The following TCF25 variants were observed in gnomAD, a reference collection of about 807,000 sequenced individuals.
TCF25 encodes the protein TCF25 ribosome quality control complex subunit.
A neutral mutation model predicts 83.1 loss-of-function variants in TCF25; 41 were observed. The ratio of observed to expected loss-of-function variants is 0.49; its 90% CI spans 0.38 to 0.64. The LOEUF (loss-of-function observed/expected upper bound fraction) is 0.64. Among genes scored for constraint, TCF25 ranks in the 30% least tolerant of loss-of-function variants. The probability of loss-of-function intolerance (pLI) is 0.00; values close to 1 mark genes in which losing one functional copy is unlikely to be tolerated. For missense variants in TCF25, 979 were observed against 914.5 expected, an observed-to-expected ratio of 1.07 and a Z score of -0.91; for synonymous variants, 458 against 365.0, an observed-to-expected ratio of 1.25 and a Z score of -2.90.
chr16:89,910,086 G>C (rs539410955), intron 16 of TCF25: 1 of 155,982 alleles, frequency 6.4e-6, no homozygotes, highest in Non-Finnish European at 1.4e-5. Context: ...GCGGTTCTTT[G>C]CTGCCTCCCT....
chr16:89,886,004 GCGGCTGCCC>G, intron 4 of TCF25, 38 bp downstream of exon 4: 1 of 1,566,792 alleles, frequency 6.4e-7, no homozygotes, highest in South Asian at 1.1e-5. Context: ...GCCCTTCTCT[GCGGCTGCCC>G]TTCTCTGCGG....
rs1211091748 is a variant in TCF25 at position 89,910,296 on chromosome 16, G to C, written c.1800-295G>C. 3.0e-5 allele frequency: 15 copies of C among 503,646 alleles called. No homozygotes were observed. The Admixed American group carries it at 5.2e-4, about 18-fold the overall frequency. 31.2% of individuals were successfully genotyped at this position (503,646 alleles called of 1,614,324 possible). A position where few individuals can be genotyped will look rare whatever the true frequency, so the allele number is the denominator to read the frequency against. ...AGCTTTTCTGAAAAGCAAGGCACCT[G>C]TGCAGTGGCCGAGGATGGCTGTGGG... On this transcript the variant is annotated intron_variant, in intron 16 of 17. Transcript: ENST00000263346.
chr16:89,890,351 A>T (rs576444960), intron 5 of TCF25: 3 of 152,348 alleles, frequency 2.0e-5, no homozygotes, highest in African/African-American at 7.2e-5. Context: ...TATATCCTGC[A>T]TGCTGCCAGT....
Position 89,892,300 on chromosome 16 carries a change from G to A in TCF25, c.697+25G>A, listed in dbSNP as rs370052073. The A allele has an allele frequency of 6.8e-4, 1,091 of 1,601,008 alleles. 2 individuals carry two copies. The highest frequency in any genetic ancestry group is 8.4e-4 in the Non-Finnish European group (981 of 1,174,528). Reference sequence around the variant, plus strand: ...GGTGAGGGTCTGCAGATGCTGCTGGGGATGGAGGGTTGGGGGGCGTTGTCT... The same window carrying A: ...GGTGAGGGTCTGCAGATGCTGCTGGAGATGGAGGGTTGGGGGGCGTTGTCT... On this transcript the variant is annotated intron_variant, in intron 6 of 17. Transcript: ENST00000263346.
In TCF25 at chr16:89,894,379, G is replaced by GCCCCGGACGGCCCCCGCGCAT. The variant is rs1567717102; in HGVS notation, c.828+525_828+526insGGACGGCCCCCGCGCATCCCC. The stretch of plus-strand genomic sequence containing the variant: ...TGCAGCCCCGGACGGCCCCCGCGCA[G>GCCCCGGACGGCCCCCGCGCAT]CCCCAGACAGCCCCCGGGCGGCCCT... On this transcript the variant is annotated intron_variant, in intron 7 of 17. Coordinates refer to ENST00000263346, the MANE Select transcript of TCF25 (RefSeq NM_014972.3). Among the ~76,000 whole-genome samples the GCCCCGGACGGCCCCCGCGCAT allele has an allele frequency of 2.6e-4, 40 of 151,394 alleles. No homozygotes were observed. The South Asian group carries it at 7.9e-3, about 30-fold the overall frequency.
chr16:89,904,615 GAA>G (rs1424859847), intron 13 of TCF25: 2 of 508,864 alleles, frequency 3.9e-6, no homozygotes, highest in Non-Finnish European at 7.2e-6. Context: ...AAACACAGGA[GAA>G]AGTGCACGCC....
intron 1 of TCF25, among the ~76,000 whole-genome samples, chr16:89,880,004 C>T (rs533496414): frequency 1.3e-5 from 2 of 151,352 alleles, no homozygotes; most frequent in South Asian, 2.1e-4. Flanking sequence ...TGTCCATGTA[C>T]ACAGGCAGGC....
At chr16:89,873,893 T>TGGCCCTTGAC (rs751261626) in intron 1 of TCF25, 34 bp downstream of exon 1, 3 of 864,260 alleles carry the variant, frequency 3.5e-6, no homozygotes, top group Non-Finnish European at 4.7e-6. Flanking sequence ...GGGGGTGGGG[T>TGGCCCTTGAC]GGCCCTTGAC....
At chr16:89,906,148 A>G (rs749676660) in intron 14 of TCF25, 46 bp from the exon 15 acceptor site, 1 of 1,561,642 alleles carries the variant, frequency 6.4e-7, no homozygotes, top group Admixed American at 1.8e-5. Context: ...TTACCATTTC[A>G]TTTGCTGTGC....
At position 89,892,187 on chromosome 16, in the gene TCF25, C is replaced by T. The variant is rs768604246; in HGVS notation, c.615-6C>T. On this transcript the variant is annotated splice_region_variant and splice_polypyrimidine_tract_variant and intron_variant, in intron 5 of 17. Coordinates refer to ENST00000263346, the MANE Select transcript of TCF25 (RefSeq NM_014972.3). The stretch of plus-strand genomic sequence containing the variant: ...TAAAGCTGTACCTGTGTCCCGTTCT[C>T]CCCAGGCCACGGCAGAGACAACGTG... The T allele has an allele frequency of 7.5e-6, 12 of 1,604,574 alleles. No homozygotes were observed. The highest frequency in any genetic ancestry group is 1.1e-5 in the South Asian group (1 of 89,832).
At chr16:89,877,089 G>A (rs1307450208) in intron 1 of TCF25, among the ~76,000 whole-genome samples, 3 of 150,428 alleles carry the variant, frequency 2.0e-5, no homozygotes, top group Non-Finnish European at 4.4e-5. Context: ...GCAATACAGC[G>A]AGACTCTGTC....
intron 11 of TCF25, among the ~76,000 whole-genome samples, chr16:89,899,816 G>C (rs2044176695): frequency 6.6e-6 from 1 of 152,214 alleles, no homozygotes; most frequent in South Asian, 2.1e-4. Context: ...CACGGGCTTT[G>C]TAACGCTAAC....
intron 13 of TCF25, 32 bp from the exon 14 acceptor site, chr16:89,904,906 G>T (rs1475990134): frequency 6.3e-7 from 1 of 1,588,436 alleles, no homozygotes. Flanking sequence ...GTCTGAAGAG[G>T]GGTTCTGCTC....
At chr16:89,880,403 A>C (rs537177893) in intron 1 of TCF25, among the ~76,000 whole-genome samples, 3 of 152,226 alleles carry the variant, frequency 2.0e-5, no homozygotes, top group Admixed American at 6.5e-5. Context: ...GGCCAACATG[A>C]TGAAACCCCA....
At chr16:89,908,612 G>C (rs867868112) in intron 16 of TCF25, among the ~76,000 whole-genome samples, 277 of 7,426 alleles carry the variant, frequency 0.037, no homozygotes, top group Middle Eastern at 0.083. Flanking sequence ...CCTCCTCCCA[G>C]CTCCCACCTC....
At chr16:89,894,380 C>T (rs1406357850) in intron 7 of TCF25, among the ~76,000 whole-genome samples, 1 of 151,800 alleles carries the variant, frequency 6.6e-6, no homozygotes, top group Non-Finnish European at 1.5e-5. Context: ...CCCCGCGCAG[C>T]CCCAGACAGC....
Position 89,911,263 on chromosome 16 carries a change from CCGT to C in TCF25, c.*26_*28del. ...AGCGTCCGCAGAGGTGACCGAAAAG[CCGT>C]ATGATGATGTTCCCGATTTCTCTGT... On this transcript the variant is annotated 3_prime_UTR_variant, in exon 18 of 18. Coordinates refer to ENST00000263346, the MANE Select transcript of TCF25 (RefSeq NM_014972.3). The C allele has an allele frequency of 1.9e-6, 3 of 1,608,648 alleles. No homozygotes were observed. Among genetic ancestry groups the C allele is most frequent in the Non-Finnish European group, 1.7e-6 (2 of 1,176,960 alleles).
At chr16:89,884,524 T>G in intron 2 of TCF25, 58 bp from the exon 3 acceptor site, 1 of 1,583,204 alleles carries the variant, frequency 6.3e-7, no homozygotes, top group Non-Finnish European at 8.7e-7. Context: ...CTGCTTTAAT[T>G]CTCACTTCTT....
chr16:89,894,851 G>T, intron 7 of TCF25, 187 bp from the exon 8 acceptor site: 1 of 482,238 alleles, frequency 2.1e-6, no homozygotes, highest in Non-Finnish European at 3.8e-6. Context: ...TGCCACGTTG[G>T]CCAGGCTGGT....
Sources: allele counts gnomAD v4.1 joint callset (sites outside exome capture counted in the v4.1 genomes callset), GRCh38; gene constraint gnomAD v4.1.1; transcripts MANE v1.5; gene names NCBI Gene and HGNC (gene_info 2026-07-23, HGNC 2026-07-21).